Variants in KANK2 observed in about 807,000 individuals in gnomAD.
KANK2 encodes the protein KN motif and ankyrin repeat domain-containing protein 2.
A neutral mutation model predicts 74.6 loss-of-function variants in KANK2; 41 were observed. That is an observed-to-expected ratio of 0.55 (90% confidence interval 0.43 to 0.71). The LOEUF is 0.71. KANK2 is among the 30% of genes least tolerant of loss of function. The probability of loss-of-function intolerance (pLI) is 0.00; values close to 1 mark genes in which losing one functional copy is unlikely to be tolerated. For synonymous variants in KANK2, 537 were observed against 519.0 expected (o/e 1.03, Z -0.47); for missense variants, 1,148 against 1,196.4 (o/e 0.96, Z 0.60).
chr19:11,170,483 G>T lies in KANK2; in HGVS notation c.2212-235C>A, dbSNP rs2078145057. 5.2e-6 allele frequency: 3 copies of T among 579,260 alleles called. No individual in the cohort carries two copies. The highest frequency in any genetic ancestry group is 9.3e-6 in the Non-Finnish European group (3 of 323,292). The allele number at this position is 579,260 out of a possible 1,614,324, so 35.9% of individuals were successfully genotyped here. A position where few individuals can be genotyped will look rare whatever the true frequency, so the allele number is the denominator to read the frequency against. On this transcript the variant is annotated intron_variant, in intron 10 of 12. Coordinates refer to ENST00000586659, the MANE Select transcript of KANK2 (RefSeq NM_001136191.3). The surrounding 1 kb of genome is among the most constrained non-coding windows in gnomAD (Gnocchi z 5.2). ...TGGGAGAAGCGGGGGCGGAGGAAAT[G>T]ATGGATACAGGTTTCCTTTGGGGGT...
chr19:11,165,423 T>C lies in KANK2; in HGVS notation c.*1135A>G, dbSNP rs2078002944. 2.0e-5 allele frequency: 3 copies of C among 152,088 alleles called. No individual in the cohort carries two copies. The highest frequency in any genetic ancestry group is 2.1e-4 in the South Asian group (1 of 4,820). The allele number at this position is 152,088 out of a possible 1,614,324, so 9.4% of individuals were successfully genotyped here. A position where few individuals can be genotyped will look rare whatever the true frequency, so the allele number is the denominator to read the frequency against. On this transcript the variant is annotated 3_prime_UTR_variant, in exon 13 of 13. Coordinates refer to ENST00000586659, the MANE Select transcript of KANK2 (RefSeq NM_001136191.3). The stretch of plus-strand genomic sequence containing the variant: ...GAGGAACAGGACGGCCCTGTGACCA[T>C]AGTCTGGGGCCTGGCGGCGGGGACG...
intron 4 of KANK2, among the ~76,000 whole-genome samples, chr19:11,182,100 G>C (rs1447417924): frequency 6.6e-6 from 1 of 151,766 alleles, no homozygotes; most frequent in African/African-American, 2.4e-5. Context: ...ATTTTTAGTA[G>C]AGATGGGGTT....
chr19:11,188,970 G>A (rs1351451784), intron 4 of KANK2, among the ~76,000 whole-genome samples: 1 of 148,308 alleles, frequency 6.7e-6, no homozygotes, highest in Non-Finnish European at 1.5e-5. Context: ...GGGTGGCAGT[G>A]CAAGACTCCA....
chr19:11,173,007 C>T lies in KANK2; in HGVS notation c.2185G>A (p.Gly729Ser). 1 of 1,613,860 alleles carries T rather than the reference C, an allele frequency of 6.2e-7. No homozygotes were observed. The highest frequency in any genetic ancestry group is 2.2e-5 in the East Asian group (1 of 44,860). The part of the protein sequence containing the change: ...IETVLQLFRL[G>S]NINAKASQAG... ...TGGCTGGCTTTGGCATTGATGTTGC[C>T]AAGCCGGAAGAGCTGAAGGACAGTC... Residue 729 changes from glycine to serine, a missense_variant, in exon 10 of 13, where the codon GGC becomes AGC. Physicochemically the swap from Gly to Ser is moderately conservative, Grantham distance 56 (BLOSUM62 0). Coordinates refer to ENST00000586659, the MANE Select transcript of KANK2 (RefSeq NM_001136191.3).
chr19:11,166,813 G>T (rs2078035630), intron 12 of KANK2, among the ~76,000 whole-genome samples: 2 of 152,190 alleles, frequency 1.3e-5, no homozygotes, highest in Admixed American at 1.3e-4. Flanking sequence ...GGGGGTGAGG[G>T]ATGCAAAGGA....
chr19:11,169,310 C>A (rs551756106), intron 12 of KANK2, among the ~76,000 whole-genome samples: 6 of 152,194 alleles, frequency 3.9e-5, no homozygotes, highest in African/African-American at 1.4e-4. Flanking sequence ...TGTACTCCAG[C>A]CTGGGTGATA....
In KANK2 at chr19:11,166,354, G is replaced by A. The variant is rs2078021904; in HGVS notation, c.*204C>T. 3.5e-6 allele frequency: 2 copies of A among 578,514 alleles called. No homozygotes were observed. Among genetic ancestry groups the A allele is most frequent in the Non-Finnish European group, 6.2e-6 (2 of 324,036 alleles). 35.8% of individuals were successfully genotyped at this position (578,514 alleles called of 1,614,324 possible). On this transcript the variant is annotated 3_prime_UTR_variant, in exon 13 of 13. Transcript: ENST00000586659. ...GTCTGCGCTGTGGCCACTTTGAACA[G>A]GGGAGCCAAGAAAACCCACTTGGAG...
Position 11,193,634 on chromosome 19 carries a change from G to T in KANK2, c.446C>A (p.Thr149Asn), listed in dbSNP as rs767074680. 3.1e-6 allele frequency: 5 copies of T among 1,594,266 alleles called. No individual in the cohort carries two copies. The Admixed American group carries it at 8.5e-5, about 27-fold the overall frequency. ...AATPTGLGSL[T>N]PSAAGSTASL... ...GGCTGTCGAGCCGGCCGCACTGGGG[G>T]TCAGGGAGCCCAGGCCGGTGGGTGT... is the stretch of plus-strand genomic sequence containing the variant. Residue 149 changes from threonine (T) to asparagine (N), a missense_variant, in exon 4 of 13, where the codon ACC becomes AAC. Thr to Asn is a moderately conservative substitution (Grantham distance 65). Coordinates refer to ENST00000586659, the MANE Select transcript of KANK2 (RefSeq NM_001136191.3). The surrounding 1 kb of genome is among the most constrained non-coding windows in gnomAD (Gnocchi z 9.6).
In KANK2 at chr19:11,166,779, T is replaced by TG. The variant is rs1476082322; in HGVS notation, c.2503-169dup. On this transcript the variant is annotated intron_variant, in intron 12 of 12. Coordinates refer to ENST00000586659, the MANE Select transcript of KANK2 (RefSeq NM_001136191.3). ...GCACCGCCTTGAAGAAGCAAACTCA[T>TG]GACTGTGGTTGAGGATGTTCACCGG... 2.6e-5 allele frequency among the ~76,000 whole-genome samples: 4 copies of TG among 152,106 alleles called. No individual in the cohort carries two copies. In the East Asian group the frequency reaches 7.7e-4, roughly 29 times the overall value.
intron 4 of KANK2, among the ~76,000 whole-genome samples, chr19:11,188,511 A>G (rs2078742251): frequency 6.7e-6 from 1 of 149,808 alleles, no homozygotes; most frequent in Non-Finnish European, 1.5e-5. Context: ...GGCCCATGTA[A>G]ATTCTTTTTT....
rs202085902 is a variant in KANK2 at position 11,179,648 on chromosome 19, T to A, written c.1250-928A>T. On this transcript the variant is annotated intron_variant, in intron 4 of 12. Coordinates refer to ENST00000586659, the MANE Select transcript of KANK2 (RefSeq NM_001136191.3). ...GAGAGACTGTCCTGAAAATAAAAAA[T>A]AAAAAAAAAAAACACATCCTGACTA... Among the ~76,000 whole-genome samples, 929 of 121,678 alleles carry A rather than the reference T, an allele frequency of 7.6e-3. 5 individuals carry two copies. The highest frequency in any genetic ancestry group is 0.012 in the Admixed American group (150 of 12,392). 79.8% of individuals were successfully genotyped at this position (121,678 alleles called of 152,430 possible). A position where few individuals can be genotyped will look rare whatever the true frequency, so the allele number is the denominator to read the frequency against.
intron 9 of KANK2, among the ~76,000 whole-genome samples, chr19:11,173,496 G>C (rs937227279): frequency 6.6e-6 from 1 of 152,158 alleles, no homozygotes; most frequent in Non-Finnish European, 1.5e-5. Flanking sequence ...CAGTAGGAGA[G>C]GGAAGGGCAA....
In KANK2 at chr19:11,178,628, G is replaced by A; in HGVS notation, c.1342C>T (p.Pro448Ser). ...TCCCTGTGGGTGGGCTCCTGGGTGG[G>A]CACTCGGCCTGTGCTCTTCTCAGGC... ...TQPEKSTGRVPTQEPTHREPT... is the reference protein window; with the variant it reads ...TQPEKSTGRVSTQEPTHREPT... The change falls in exon 5 of 13, where the codon CCC (proline) becomes TCC (serine). Residue 448 changes from proline (P) to serine (S), a missense_variant. Transcript: ENST00000586659. The A allele has an allele frequency of 1.3e-6, 2 of 1,594,602 alleles. No individual in the cohort carries two copies. Among genetic ancestry groups the A allele is most frequent in the African/African-American group, 1.4e-5 (1 of 73,526 alleles).
chr19:11,172,714 C>G (rs1271762011), intron 10 of KANK2, among the ~76,000 whole-genome samples: 1 of 152,198 alleles, frequency 6.6e-6, no homozygotes, highest in Non-Finnish European at 1.5e-5. Flanking sequence ...TTCGCCATTT[C>G]AGTCCCCAGT....
intron 4 of KANK2, 45 bp downstream of exon 4, chr19:11,192,786 C>CT: frequency 1.3e-6 from 2 of 1,552,488 alleles, no homozygotes; most frequent in Non-Finnish European, 8.8e-7. Context: ...GAAAGAGGCC[C>CT]CCCCCCCCCA....
At position 11,176,157 on chromosome 19, in the gene KANK2, G is replaced by A. The variant is rs60214504; in HGVS notation, c.1761-168C>T. On this transcript the variant is annotated intron_variant, in intron 7 of 12. Coordinates refer to ENST00000586659, the MANE Select transcript of KANK2 (RefSeq NM_001136191.3). ...TTACATTGCACCCCAAGGGGCAGCT[G>A]TGGGGAACATGCAGACCCCCAAGGG... 0.012 allele frequency among the ~76,000 whole-genome samples: 1,782 copies of A among 152,324 alleles called. 36 individuals carry two copies. The highest frequency in any genetic ancestry group is 0.04 in the African/African-American group (1,643 of 41,568).
chr19:11,170,420 C>T lies in KANK2; in HGVS notation c.2212-172G>A. The T allele has an allele frequency of 1.7e-6, 1 of 605,384 alleles. No homozygotes were observed. The highest frequency in any genetic ancestry group is 2.9e-6 in the Non-Finnish European group (1 of 341,636). 37.5% of individuals were successfully genotyped at this position (605,384 alleles called of 1,614,324 possible). On this transcript the variant is annotated intron_variant, in intron 10 of 12. Transcript: ENST00000586659. The surrounding 1 kb of genome is among the most constrained non-coding windows in gnomAD (Gnocchi z 5.2). Reference sequence around the variant, plus strand: ...TCCCGTCACCAGGGGAGTAATAAATCCACAGAGACAGAAAGCGGATGAGTG... The same window carrying T: ...TCCCGTCACCAGGGGAGTAATAAATTCACAGAGACAGAAAGCGGATGAGTG...
At chr19:11,188,797 C>A (rs1384157873) in intron 4 of KANK2, among the ~76,000 whole-genome samples, 1 of 151,942 alleles carries the variant, frequency 6.6e-6, no homozygotes, top group Non-Finnish European at 1.5e-5. Context: ...GCCTGGCCAA[C>A]ATAGTGAAAC....
Position 11,178,719 on chromosome 19 carries a change from G to A in KANK2, c.1251C>T (p.Gly417=), listed in dbSNP as rs2078426217. 1.3e-6 allele frequency: 2 copies of A among 1,527,512 alleles called. No individual in the cohort carries two copies. The highest frequency in any genetic ancestry group is 1.8e-6 in the Non-Finnish European group (2 of 1,142,764). 94.6% of individuals were successfully genotyped at this position (1,527,512 alleles called of 1,614,324 possible). ...ACGATTCGGCAGGAACTTCTGGGAG[G>A]CCTGGAGGGACAGGAAATGAGTGTC... ...ITERSCDGAA[G]LPEVPAESSS... is the part of the protein sequence containing the mutation. The change falls in exon 5 of 13, where the codon GGC becomes GGT. Residue 417 remains glycine (G), a splice_region_variant and synonymous_variant. Transcript: ENST00000586659.
Sources: gnomAD v4.1 joint callset for allele counts (sites outside exome capture counted in the v4.1 genomes callset) on GRCh38, gnomAD v4.1.1 for gene constraint, Gnocchi (gnomAD v3.1) non-coding constraint, MANE v1.5 for transcripts, NCBI Gene and HGNC (gene_info 2026-07-23, HGNC 2026-07-21) for gene names.